SCN8A: variants seen among roughly 807,000 people sequenced by gnomAD.
The protein encoded by SCN8A is sodium voltage-gated channel alpha subunit 8.
In SCN8A, 30 loss-of-function variants were observed where a neutral mutation model predicts 184.1. The observed-to-expected ratio is 0.16, with a 90% CI of 0.12 to 0.22. The LOEUF (loss-of-function observed/expected upper bound fraction) is 0.22, where lower values mean the gene tolerates loss of function less well. Ranked by LOEUF, SCN8A falls within the 10% of genes least tolerant of loss-of-function variation. The pLI is 1.00. For missense variants in SCN8A, 1,057 were observed against 2,498.9 expected (o/e 0.42, Z 12.30); for synonymous variants, 852 against 907.0 (o/e 0.94, Z 1.09).
At position 51,700,185 on chromosome 12, in the gene SCN8A, A is replaced by C. The variant is rs577978495; in HGVS notation, c.928+394A>C. Among the ~76,000 whole-genome samples, 244 of 151,056 alleles carry C rather than the reference A, an allele frequency of 1.6e-3. 3 individuals carry two copies. Among genetic ancestry groups the C allele is most frequent in the African/African-American group, 5.4e-3 (219 of 40,768 alleles). On this transcript the variant is annotated intron_variant, in intron 7 of 26. Transcript: ENST00000627620. ...AACTCCATCTCAAAAAAAAAAACAA[A>C]AAAAAAAAGAGGTAGTTGGAGCTGG...
Position 51,797,715 on chromosome 12 carries a change from T to C in SCN8A, c.4795+3074T>C, listed in dbSNP as rs532017120. On this transcript the variant is annotated intron_variant, in intron 26 of 26. Coordinates refer to ENST00000627620, the MANE Select transcript of SCN8A (RefSeq NM_001330260.2). The stretch of plus-strand genomic sequence containing the variant: ...CCATGCATACTCTTCCATACCTCCA[T>C]TGTGGAGCAGTAGACTGATTTCATC... 1.1e-4 allele frequency among the ~76,000 whole-genome samples: 17 copies of C among 152,310 alleles called. No individual in the cohort carries two copies. In the South Asian group the frequency reaches 3.5e-3, roughly 32 times the overall value.
At chr12:51,697,891 C>T (rs909617245) in intron 6 of SCN8A, among the ~76,000 whole-genome samples, 1 of 152,154 alleles carries the variant, frequency 6.6e-6, no homozygotes, top group Non-Finnish European at 1.5e-5. Flanking sequence ...CTCTGTTGAC[C>T]AGGCTGGAGT....
intron 1 of SCN8A, among the ~76,000 whole-genome samples, chr12:51,615,820 T>G (rs1225651130): frequency 6.6e-6 from 1 of 152,206 alleles, no homozygotes; most frequent in Non-Finnish European, 1.5e-5. Context: ...TGGGCTTAAG[T>G]GATCCTCTCA....
intron 6 of SCN8A, among the ~76,000 whole-genome samples, chr12:51,692,703 G>T (rs1050967277): frequency 1.3e-5 from 2 of 152,158 alleles, no homozygotes; most frequent in Non-Finnish European, 2.9e-5. Context: ...TCTGAGTCCC[G>T]CATAAAGTGA....
intron 12 of SCN8A, chr12:51,722,206 A>G (rs1244170795): frequency 3.9e-6 from 2 of 509,666 alleles, no homozygotes; most frequent in Non-Finnish European, 6.9e-6. Context: ...CTTCTCCCCT[A>G]TCAACTCCTT....
intron 1 of SCN8A, among the ~76,000 whole-genome samples, chr12:51,618,483 AC>A (rs1939892199): frequency 2.0e-5 from 3 of 150,926 alleles, no homozygotes; most frequent in Non-Finnish European, 3.0e-5. Flanking sequence ...ACACACACAC[AC>A]ACACACACAC....
intron 9 of SCN8A, 49 bp downstream of exon 9, chr12:51,702,963 A>T (rs536663556): frequency 6.5e-7 from 1 of 1,529,834 alleles, no homozygotes; most frequent in Non-Finnish European, 8.9e-7. Flanking sequence ...ATGAGCTTAT[A>T]TGGGGTTGGG....
chr12:51,636,950 C>T, intron 1 of SCN8A, among the ~76,000 whole-genome samples: 1 of 152,254 alleles, frequency 6.6e-6, no homozygotes, highest in East Asian at 1.9e-4. Flanking sequence ...TAAGTTTGTG[C>T]CAAACCTGCA....
chr12:51,649,904 A>G (rs1294321014), intron 1 of SCN8A, among the ~76,000 whole-genome samples: 2 of 152,206 alleles, frequency 1.3e-5, no homozygotes, highest in Non-Finnish European at 1.5e-5. Flanking sequence ...TATCACATGG[A>G]CAGGCTGCAA....
intron 12 of SCN8A, among the ~76,000 whole-genome samples, chr12:51,736,790 C>T (rs1565905168): frequency 1.3e-5 from 2 of 152,160 alleles, no homozygotes; most frequent in Non-Finnish European, 2.9e-5. Context: ...GTGGAGTGAA[C>T]CACATATGAA....
At chr12:51,693,629 A>T (rs1941546815) in intron 6 of SCN8A, among the ~76,000 whole-genome samples, 1 of 152,194 alleles carries the variant, frequency 6.6e-6, no homozygotes, top group South Asian at 2.1e-4. Flanking sequence ...CCTGGGCAGC[A>T]TAGTGCGATC....
intron 26 of SCN8A, among the ~76,000 whole-genome samples, chr12:51,799,634 A>G (rs1306601383): frequency 7.9e-5 from 12 of 152,218 alleles, no homozygotes; most frequent in Non-Finnish European, 1.5e-5. Flanking sequence ...AGCAGCTTGC[A>G]CAACAGCCTG....
At chr12:51,728,321 C>G (rs1413673901) in intron 12 of SCN8A, among the ~76,000 whole-genome samples, 3 of 152,120 alleles carry the variant, frequency 2.0e-5, no homozygotes, top group Non-Finnish European at 4.4e-5. Flanking sequence ...GAAACCATCC[C>G]CCTTATCTAC....
chr12:51,668,296 A>G (rs1447831014), intron 2 of SCN8A, among the ~76,000 whole-genome samples: 9 of 152,216 alleles, frequency 5.9e-5, no homozygotes, highest in African/African-American at 2.2e-4. Context: ...ATAGAAAATT[A>G]TAATTTGATA....
chr12:51,678,829 G>A (rs2138698357), intron 2 of SCN8A, among the ~76,000 whole-genome samples: 1 of 152,320 alleles, frequency 6.6e-6, no homozygotes, highest in South Asian at 2.1e-4. Context: ...TGTAATCCCA[G>A]CACTTTGGGA....
intron 1 of SCN8A, among the ~76,000 whole-genome samples, chr12:51,659,153 C>T (rs557731049): frequency 1.3e-5 from 2 of 152,302 alleles, no homozygotes; most frequent in South Asian, 4.1e-4. Flanking sequence ...GCAGAATGAA[C>T]TACTGCTACA....
chr12:51,778,168 G>T (rs1025959504), intron 20 of SCN8A, among the ~76,000 whole-genome samples: 1 of 152,134 alleles, frequency 6.6e-6, no homozygotes, highest in Admixed American at 6.5e-5. Context: ...GCCTAATAGG[G>T]CAACATTTAC....
At chr12:51,673,341 C>A (rs1941165189) in intron 2 of SCN8A, among the ~76,000 whole-genome samples, 1 of 152,158 alleles carries the variant, frequency 6.6e-6, no homozygotes, top group South Asian at 2.1e-4. Context: ...GATTGAGCAT[C>A]TGTGGATTTT....
chr12:51,612,007 C>G (rs1480256106), intron 1 of SCN8A, among the ~76,000 whole-genome samples: 2 of 152,072 alleles, frequency 1.3e-5, no homozygotes, highest in Non-Finnish European at 2.9e-5. Flanking sequence ...AATCTATATG[C>G]CTTTTCTTTG....
Sources: gnomAD v4.1 joint callset for allele counts (sites outside exome capture counted in the v4.1 genomes callset) on GRCh38, gnomAD v4.1.1 for gene constraint, MANE v1.5 for transcripts, NCBI Gene and HGNC (gene_info 2026-07-23, HGNC 2026-07-21) for gene names.